GOLGA4: variants seen among roughly 807,000 people sequenced by gnomAD.
The protein encoded by GOLGA4 is golgin A4, also known as golgin subfamily A member 4.
A neutral mutation model predicts 265.9 loss-of-function variants in GOLGA4; 169 were observed. The observed-to-expected ratio is 0.64, with a 90% CI of 0.56 to 0.72. GOLGA4 has a LOEUF of 0.72. Ranked by LOEUF, GOLGA4 falls within the 30% of genes least tolerant of loss-of-function variation. GOLGA4 has a pLI of 0.00. For missense variants in GOLGA4, 2,482 were observed against 2,483.4 expected, an observed-to-expected ratio of 1.00 and a Z score of 0.01; for synonymous variants, 923 against 855.8, an observed-to-expected ratio of 1.08 and a Z score of -1.37.
At chr3:37,350,992 G>A (rs1417631029) in intron 21 of GOLGA4, among the ~76,000 whole-genome samples, 1 of 152,080 alleles carries the variant, frequency 6.6e-6, no homozygotes, top group East Asian at 1.9e-4. Flanking sequence ...TCCTAAGACA[G>A]CAATGACATT....
intron 11 of GOLGA4, among the ~76,000 whole-genome samples, chr3:37,317,320 C>A (rs928853577): frequency 2.0e-5 from 3 of 152,114 alleles, no homozygotes; most frequent in Non-Finnish European, 1.5e-5. Context: ...CAGGCGTGTG[C>A]CATCACGCCT....
chr3:37,243,719 C>T (rs527285695), intron 1 of GOLGA4, 97 bp downstream of exon 1: 31 of 993,434 alleles, frequency 3.1e-5, no homozygotes, highest in Admixed American at 6.8e-5. Context: ...TCTTCCGTGA[C>T]CTTTAACCCC....
chr3:37,350,101 C>T (rs1227940843), intron 21 of GOLGA4, among the ~76,000 whole-genome samples: 1 of 152,158 alleles, frequency 6.6e-6, no homozygotes, highest in Non-Finnish European at 1.5e-5. Flanking sequence ...TAAGGAATAC[C>T]TGGCAGGAGA....
chr3:37,329,343 A>G (rs2096982715), intron 16 of GOLGA4: 1 of 263,010 alleles, frequency 3.8e-6, no homozygotes, highest in South Asian at 9.3e-5. Flanking sequence ...TTGAAGCAAC[A>G]GTAGATACTA....
chr3:37,268,000 A>C (rs1359657524), intron 2 of GOLGA4, among the ~76,000 whole-genome samples: 1 of 152,198 alleles, frequency 6.6e-6, no homozygotes, highest in Non-Finnish European at 1.5e-5. Flanking sequence ...CTCTGGCTAC[A>C]AGTAATATCT....
chr3:37,299,104 G>T (rs900755747), intron 8 of GOLGA4, 84 bp downstream of exon 8: 4 of 1,196,958 alleles, frequency 3.3e-6, no homozygotes, highest in Admixed American at 2.3e-5. Flanking sequence ...ACCTCCGGGA[G>T]AGGAGAGTGG....
At chr3:37,363,178 A>T (rs1006327932) in intron 23 of GOLGA4, among the ~76,000 whole-genome samples, 1 of 152,102 alleles carries the variant, frequency 6.6e-6, no homozygotes, top group Non-Finnish European at 1.5e-5. Context: ...GATTATCCAG[A>T]ACTGTCTTAT....
chr3:37,334,417 A>G (rs1354060010), intron 16 of GOLGA4, among the ~76,000 whole-genome samples: 2 of 152,092 alleles, frequency 1.3e-5, no homozygotes, highest in Non-Finnish European at 2.9e-5. Context: ...ACCTCAGAGA[A>G]CAACTGGTGG....
chr3:37,307,654 A>T (rs2096910536), intron 10 of GOLGA4, among the ~76,000 whole-genome samples: 1 of 152,202 alleles, frequency 6.6e-6, no homozygotes, highest in African/African-American at 2.4e-5. Context: ...GTATGAATGA[A>T]AGTAGATTTT....
chr3:37,354,897 AAT>A (rs1470386722), intron 21 of GOLGA4, among the ~76,000 whole-genome samples: 3 of 152,160 alleles, frequency 2.0e-5, no homozygotes, highest in Admixed American at 6.6e-5. Context: ...TTGTTAAAAT[AAT>A]ATGTGTAGAC....
intron 2 of GOLGA4, among the ~76,000 whole-genome samples, chr3:37,275,057 C>CA (rs1424964188): frequency 2.7e-5 from 4 of 148,614 alleles, no homozygotes; most frequent in Admixed American, 6.7e-5. Flanking sequence ...ACTAAAAATA[C>CA]AAAAAAAAAT....
chr3:37,243,471 C>T lies in GOLGA4; in HGVS notation c.-80C>T. Reference sequence around the variant, plus strand: ...GCTGTCCCTGGTGTAAAGAAGTCGCCGTAGCCGTCGCGGCCGGGACTCCCC... The same window carrying T: ...GCTGTCCCTGGTGTAAAGAAGTCGCTGTAGCCGTCGCGGCCGGGACTCCCC... On this transcript the variant is annotated 5_prime_UTR_variant, in exon 1 of 24. Transcript: ENST00000361924. 7 of 1,237,954 alleles carry T rather than the reference C, an allele frequency of 5.7e-6. No individual in the cohort carries two copies. Among genetic ancestry groups the T allele is most frequent in the Admixed American group, 1.7e-5 (1 of 58,610 alleles). The allele number at this position is 1,237,954 out of a possible 1,614,324, so 76.7% of individuals were successfully genotyped here. A position where few individuals can be genotyped will look rare whatever the true frequency, so the allele number is the denominator to read the frequency against.
At chr3:37,312,523 C>CTT (rs779584541) in intron 10 of GOLGA4, among the ~76,000 whole-genome samples, 13 of 139,048 alleles carry the variant, frequency 9.3e-5, no homozygotes, top group African/African-American at 7.9e-5. Flanking sequence ...GAATAGGAAT[C>CTT]TTTTTTTTTT....
intron 20 of GOLGA4, among the ~76,000 whole-genome samples, chr3:37,345,505 G>A (rs1420009237): frequency 1.3e-5 from 2 of 152,188 alleles, no homozygotes; most frequent in Non-Finnish European, 2.9e-5. Context: ...TATTTGGGAA[G>A]ACCCATTAGA....
intron 20 of GOLGA4, among the ~76,000 whole-genome samples, chr3:37,342,638 G>A (rs1333901313): frequency 6.6e-6 from 1 of 152,054 alleles, no homozygotes; most frequent in Non-Finnish European, 1.5e-5. Context: ...TAAGGTTTGA[G>A]AGTTATCCAG....
intron 2 of GOLGA4, chr3:37,276,501 A>G: frequency 6.2e-7 from 1 of 1,609,592 alleles, no homozygotes; most frequent in South Asian, 1.1e-5. Context: ...AAAAAGAAGA[A>G]TTGCACTTAC....
At chr3:37,332,335 G>C (rs1340105941) in intron 16 of GOLGA4, among the ~76,000 whole-genome samples, 1 of 152,012 alleles carries the variant, frequency 6.6e-6, no homozygotes, top group Non-Finnish European at 1.5e-5. Flanking sequence ...AAAAAGATCG[G>C]GGCAGCGGGG....
chr3:37,262,674 A>C (rs1163720772), intron 2 of GOLGA4, among the ~76,000 whole-genome samples: 1 of 152,100 alleles, frequency 6.6e-6, no homozygotes, highest in Non-Finnish European at 1.5e-5. Context: ...AGGCGGAGGC[A>C]GGTGGATTGC....
chr3:37,265,376 A>G (rs1415129414), intron 2 of GOLGA4, among the ~76,000 whole-genome samples: 1 of 152,220 alleles, frequency 6.6e-6, no homozygotes, highest in Non-Finnish European at 1.5e-5. Flanking sequence ...TCTTCTGTAC[A>G]TACTTTAGAG....
Sources: gnomAD v4.1 joint callset for allele counts (sites outside exome capture counted in the v4.1 genomes callset) on GRCh38, gnomAD v4.1.1 for gene constraint, MANE v1.5 for transcripts, NCBI Gene and HGNC (gene_info 2026-07-23, HGNC 2026-07-21) for gene names.